ESF1: variants seen among roughly 807,000 people sequenced by gnomAD.
ESF1 encodes ESF1 homolog.
Under a neutral mutation model 92.0 loss-of-function variants are expected in ESF1, and 58 were observed. That is an observed-to-expected ratio of 0.63 (90% CI 0.51 to 0.78). The LOEUF is 0.78. Ranked by LOEUF, ESF1 falls within the 30% of genes least tolerant of loss-of-function variation. The pLI, the probability that ESF1 is intolerant of heterozygous loss-of-function variation, is 0.00. For missense variants in ESF1, 922 were observed against 989.1 expected (o/e 0.93, Z 0.91); for synonymous variants, 321 against 313.7 (o/e 1.02, Z -0.24).
At chr20:13,761,412 T>C (rs1009051853) in intron 8 of ESF1, among the ~76,000 whole-genome samples, 15 of 123,898 alleles carry the variant, frequency 1.2e-4, no homozygotes, top group African/African-American at 4.6e-4. Context: ...ATACAAAAAA[T>C]TAAAAAAAAA....
chr20:13,740,256 T>A (rs1006829770), intron 9 of ESF1, among the ~76,000 whole-genome samples: 15 of 152,118 alleles, frequency 9.9e-5, no homozygotes, highest in African/African-American at 3.6e-4. Flanking sequence ...GAGATCACAA[T>A]CAAACTTCAC....
At chr20:13,772,806 T>C (rs1280780356) in intron 4 of ESF1, among the ~76,000 whole-genome samples, 191 bp from the exon 5 acceptor site, 1 of 152,136 alleles carries the variant, frequency 6.6e-6, no homozygotes, top group Non-Finnish European at 1.5e-5. Context: ...TCACTTTGGC[T>C]AGAGACTAAC....
intron 4 of ESF1, among the ~76,000 whole-genome samples, chr20:13,773,331 G>C (rs1226808548): frequency 6.6e-6 from 1 of 152,160 alleles, no homozygotes; most frequent in Non-Finnish European, 1.5e-5. Flanking sequence ...AACTTGAATA[G>C]TATATACACA....
rs1261790481 is a variant in ESF1, at chr20:13,766,876, T to C, written c.1567A>G (p.Asn523Asp). ...AGCTCTTCCTTTTTAAACTTCCTGT[T>C]GAGCATTGTAATTCTTTCATGATCA... ...ETDHERITMLNRKFKKEELLD... is the reference protein window; with the variant it reads ...ETDHERITMLDRKFKKEELLD... The change falls in exon 8 of 14, where the codon AAC becomes GAC. Residue 523 changes from asparagine (N) to aspartate (D), a missense_variant. Transcript: ENST00000617257. The C allele has an allele frequency of 1.2e-6, 2 of 1,613,828 alleles. No homozygotes were observed. Among genetic ancestry groups the C allele is most frequent in the East Asian group, 2.2e-5 (1 of 44,822 alleles).
At chr20:13,717,579 T>G (rs2049838806) in intron 12 of ESF1, 65 bp from the exon 13 acceptor site, 6 of 1,566,544 alleles carry the variant, frequency 3.8e-6, no homozygotes, top group Non-Finnish European at 5.2e-6. Context: ...CAAAAAGGAG[T>G]ATAGGGCAGA....
At chr20:13,743,659 G>A (rs1367024559) in intron 9 of ESF1, among the ~76,000 whole-genome samples, 5 of 152,158 alleles carry the variant, frequency 3.3e-5, no homozygotes, top group African/African-American at 7.2e-5. Flanking sequence ...TCATTTATAT[G>A]TGGAATCTAA....
At chr20:13,766,651 A>C (rs1208221906) in intron 8 of ESF1, 126 bp downstream of exon 8, 2 of 822,538 alleles carry the variant, frequency 2.4e-6, no homozygotes, top group Admixed American at 3.2e-5. Flanking sequence ...AAAAAAATCA[A>C]TCACTATCTA....
intron 5 of ESF1, among the ~76,000 whole-genome samples, chr20:13,771,887 T>G (rs1006640482): frequency 1.3e-5 from 2 of 151,074 alleles, no homozygotes. Flanking sequence ...TCTATAAGTT[T>G]GATTTTGCTT....
intron 7 of ESF1, among the ~76,000 whole-genome samples, chr20:13,769,196 C>CT (rs781621311): frequency 2.6e-5 from 4 of 151,974 alleles, no homozygotes; most frequent in African/African-American, 4.8e-5. Context: ...AGGAGATACT[C>CT]TTATTTTAAA....
rs1449157501 is a variant in ESF1 at position 13,775,201 on chromosome 20, A to T, written c.1105T>A (p.Phe369Ile). ...CCTCCTTTGGGTTTAAATGAATTGA[A>T]CAGAGCCAGCAAATCTTTTGCCTTT... ...RLKAKDLLAL[F>I]NSFKPKGGVI... Residue 369 changes from phenylalanine (F) to isoleucine (I), a missense_variant, in exon 4 of 14, where the codon TTC (phenylalanine) becomes ATC (isoleucine). Coordinates refer to ENST00000617257, the MANE Select transcript of ESF1 (RefSeq NM_001276380.2). 1.2e-6 allele frequency: 2 copies of T among 1,611,148 alleles called. No homozygotes were observed. The highest frequency in any genetic ancestry group is 1.7e-6 in the Non-Finnish European group (2 of 1,179,152).
chr20:13,767,054 C>A, intron 7 of ESF1, 130 bp from the exon 8 acceptor site: 2 of 787,972 alleles, frequency 2.5e-6, no homozygotes, highest in Non-Finnish European at 4.0e-6. Context: ...AAAACAAATA[C>A]ATGAATGATA....
At chr20:13,722,874 A>G (rs2049877324) in intron 11 of ESF1, among the ~76,000 whole-genome samples, 1 of 152,108 alleles carries the variant, frequency 6.6e-6, no homozygotes, top group African/African-American at 2.4e-5. Context: ...GAAAAAAAAA[A>G]GAAACTACAT....
At chr20:13,758,167 C>T (rs1442147581) in intron 9 of ESF1, among the ~76,000 whole-genome samples, 3 of 151,986 alleles carry the variant, frequency 2.0e-5, no homozygotes, top group Non-Finnish European at 2.9e-5. Context: ...TAAAATCTAC[C>T]TTCCTTCAAC....
At chr20:13,776,586 A>G (rs1979954001) in intron 2 of ESF1, among the ~76,000 whole-genome samples, 1 of 152,200 alleles carries the variant, frequency 6.6e-6, no homozygotes, top group African/African-American at 2.4e-5. Context: ...AGTGCTCAAT[A>G]TACAACAGTT....
chr20:13,740,339 T>C (rs910650465), intron 9 of ESF1, among the ~76,000 whole-genome samples: 12 of 151,852 alleles, frequency 7.9e-5, no homozygotes, highest in African/African-American at 2.4e-4. Flanking sequence ...ATCAGCACTT[T>C]TAAAAAACAA....
At chr20:13,760,657 G>C (rs1457262211) in intron 8 of ESF1, among the ~76,000 whole-genome samples, 2 of 151,716 alleles carry the variant, frequency 1.3e-5, no homozygotes, top group Non-Finnish European at 2.9e-5. Flanking sequence ...CTGTCCGGGA[G>C]GGAGGCGGGG....
At chr20:13,768,408 C>A (rs1407147607) in intron 7 of ESF1, among the ~76,000 whole-genome samples, 2 of 152,100 alleles carry the variant, frequency 1.3e-5, no homozygotes, top group Non-Finnish European at 2.9e-5. Context: ...CATGGTGAAA[C>A]CCCGTCTGTA....
chr20:13,745,007 G>C (rs73094158), intron 9 of ESF1, among the ~76,000 whole-genome samples: 1 of 152,286 alleles, frequency 6.6e-6, no homozygotes, highest in Non-Finnish European at 1.5e-5. Context: ...ACAGAGTCTG[G>C]TATACAGTAG....
Position 13,776,143 on chromosome 20 carries a change from A to G in ESF1, c.765T>C (p.Ser255=), listed in dbSNP as rs1277894352. The G allele has an allele frequency of 6.2e-7, 1 of 1,613,872 alleles. No homozygotes were observed. Among genetic ancestry groups the G allele is most frequent in the African/African-American group, 1.3e-5 (1 of 75,000 alleles). ...TACCAACACTTGTAATTTCATTTTC[A>G]GATTCCTCATCACTTCCTATTTCAC... The part of the protein sequence containing the change: ...SVSEIGSDEE[S]ENEITSVGRA... Residue 255 remains serine (S), a synonymous_variant, in exon 3 of 14, where the codon TCT becomes TCC. Transcript: ENST00000617257.
Sources: allele counts gnomAD v4.1 joint callset (sites outside exome capture counted in the v4.1 genomes callset), GRCh38; gene constraint gnomAD v4.1.1; transcripts MANE v1.5; gene names NCBI Gene and HGNC (gene_info 2026-07-23, HGNC 2026-07-21).